FRMD4A: variants seen among roughly 807,000 people sequenced by gnomAD.
The protein encoded by FRMD4A is FERM domain containing 4A, also known as FERM domain-containing protein 4A.
In FRMD4A, 29 loss-of-function variants were observed where a neutral mutation model predicts 129.1. That is an observed-to-expected ratio of 0.22 (90% CI 0.17 to 0.31). The LOEUF is 0.31. Among genes scored for constraint, FRMD4A ranks in the 10% least tolerant of loss-of-function variants. The probability of loss-of-function intolerance (pLI) is 1.00; values close to 1 mark genes in which losing one functional copy is unlikely to be tolerated. For missense variants in FRMD4A, 1,272 were observed against 1,375.8 expected (o/e 0.92, Z 1.19); for synonymous variants, 634 against 571.6 (o/e 1.11, Z -1.56).
chr10:14,244,602 G>A lies in FRMD4A; in HGVS notation c.45+85456C>T, dbSNP rs77086246. On this transcript the variant is annotated intron_variant, in intron 2 of 24. Transcript: ENST00000357447. ...TAATTTGTTACCATGTTTTAGCCTA[G>A]CCTACTTTTACTACAAAACGAAATG... is the stretch of plus-strand genomic sequence containing the variant. 5.9e-5 allele frequency among the ~76,000 whole-genome samples: 9 copies of A among 152,294 alleles called. No homozygotes were observed. In the East Asian group the frequency reaches 1.5e-3, roughly 26 times the overall value.
chr10:14,074,543 T>C (rs756705780), intron 2 of FRMD4A: 2 of 152,216 alleles, frequency 1.3e-5, no homozygotes, highest in African/African-American at 2.4e-5. Flanking sequence ...GCAATGCCCA[T>C]GGGGATTCAT....
At chr10:14,325,538 C>A (rs1843238910) in intron 2 of FRMD4A, among the ~76,000 whole-genome samples, 1 of 152,216 alleles carries the variant, frequency 6.6e-6, no homozygotes, top group African/African-American at 2.4e-5. Flanking sequence ...ACTCTGACAA[C>A]CAGCGCCCCC....
chr10:13,842,679 G>A (rs181866789), intron 3 of FRMD4A, among the ~76,000 whole-genome samples: 12 of 152,168 alleles, frequency 7.9e-5, no homozygotes, highest in South Asian at 4.1e-4. Context: ...GTTGGTCAGC[G>A]GCAAAATGAG....
intron 3 of FRMD4A, among the ~76,000 whole-genome samples, chr10:13,811,883 G>A (rs938781458): frequency 5.9e-5 from 8 of 135,156 alleles, no homozygotes; most frequent in African/African-American, 2.2e-4. Context: ...ATTATCTGTT[G>A]GTTTTTTTTT....
chr10:14,207,686 C>CCACACACACACACACACA (rs56740311), intron 2 of FRMD4A, among the ~76,000 whole-genome samples: 1 of 145,842 alleles, frequency 6.9e-6, no homozygotes, highest in Non-Finnish European at 1.5e-5. Context: ...TCCTAGGTAA[C>CCACACACACACACACACA]CACACACACA....
chr10:14,241,968 G>C (rs1234310374), intron 2 of FRMD4A, among the ~76,000 whole-genome samples: 1 of 152,044 alleles, frequency 6.6e-6, no homozygotes, highest in African/African-American at 2.4e-5. Flanking sequence ...CTGTAACACT[G>C]AGCTCAGGAG....
chr10:13,890,910 C>A (rs2094687924), intron 2 of FRMD4A: 1 of 958,138 alleles, frequency 1.0e-6, no homozygotes, highest in Non-Finnish European at 1.2e-6. Flanking sequence ...AATGTACGAA[C>A]AGTTACTCTG....
At chr10:13,997,337 C>A (rs2095626196) in intron 2 of FRMD4A, among the ~76,000 whole-genome samples, 1 of 152,150 alleles carries the variant, frequency 6.6e-6, no homozygotes, top group Non-Finnish European at 1.5e-5. Flanking sequence ...CTACCATGGT[C>A]TCTAATTGCT....
intron 2 of FRMD4A, among the ~76,000 whole-genome samples, chr10:13,938,172 C>T (rs1025160971): frequency 1.3e-5 from 2 of 152,108 alleles, no homozygotes; most frequent in African/African-American, 4.8e-5. Context: ...ATTAAGCACT[C>T]TCAGTATTAG....
Position 14,027,766 on chromosome 10 carries a change from G to T in FRMD4A, c.46-168854C>A, listed in dbSNP as rs1833051593. Among the ~76,000 whole-genome samples the T allele has an allele frequency of 6.6e-5, 10 of 152,362 alleles. No individual in the cohort carries two copies. The South Asian group carries it at 2.1e-3, about 32-fold the overall frequency. On this transcript the variant is annotated intron_variant, in intron 2 of 24. Coordinates refer to ENST00000357447, the MANE Select transcript of FRMD4A (RefSeq NM_018027.5). ...TTACTCTAGCACTGGGGCTCTAGAA[G>T]AATGTATTCAGAACATCCTGTTCTT...
chr10:14,192,985 C>T (rs374175862), intron 2 of FRMD4A, among the ~76,000 whole-genome samples: 4 of 152,192 alleles, frequency 2.6e-5, no homozygotes, highest in African/African-American at 7.2e-5. Flanking sequence ...AGAGTAACAG[C>T]GTGTATTTGC....
chr10:13,902,934 T>C (rs763206328), intron 2 of FRMD4A, among the ~76,000 whole-genome samples: 10 of 152,118 alleles, frequency 6.6e-5, no homozygotes, highest in Non-Finnish European at 1.0e-4. Context: ...TAGCTTGGGT[T>C]AGGGTGTAAT....
chr10:13,703,154 T>A (rs1479371674), intron 13 of FRMD4A, among the ~76,000 whole-genome samples: 1 of 152,106 alleles, frequency 6.6e-6, no homozygotes, highest in East Asian at 1.9e-4. Flanking sequence ...TGAAAGGTGG[T>A]GCAAGGCTAG....
chr10:14,188,047 AC>A (rs1439987640), intron 2 of FRMD4A, among the ~76,000 whole-genome samples: 1 of 151,336 alleles, frequency 6.6e-6, no homozygotes, highest in Non-Finnish European at 1.5e-5. Context: ...TAAAACTCTA[AC>A]CTCCTTTCCC....
At chr10:14,319,388 T>C (rs886836523) in intron 2 of FRMD4A, among the ~76,000 whole-genome samples, 82 of 86,566 alleles carry the variant, frequency 9.5e-4, no homozygotes, top group African/African-American at 3.4e-3. Flanking sequence ...CACACACACA[T>C]GATAAATACA....
At chr10:13,725,628 G>T (rs1233725459) in intron 12 of FRMD4A, among the ~76,000 whole-genome samples, 1 of 152,166 alleles carries the variant, frequency 6.6e-6, no homozygotes, top group Non-Finnish European at 1.5e-5. Context: ...CAAGATACAG[G>T]CTGGTGCCCT....
intron 12 of FRMD4A, chr10:13,707,572 T>A (rs1356745183): frequency 1.0e-6 from 1 of 989,952 alleles, no homozygotes; most frequent in Non-Finnish European, 1.2e-6. Context: ...TGAACTGAGC[T>A]TCCTCCCCTC....
Position 13,837,956 on chromosome 10 carries a change from G to A in FRMD4A, c.111+20891C>T, listed in dbSNP as rs540003358. On this transcript the variant is annotated intron_variant, in intron 3 of 24. Transcript: ENST00000357447. ...CTGCCCAATGAAGACCTCTTAAGGG[G>A]ATGGAGGAAGAAAGCAGGCTTAGCT... Among the ~76,000 whole-genome samples the A allele has an allele frequency of 3.3e-5, 5 of 152,314 alleles. No homozygotes were observed. The South Asian group carries it at 1.0e-3, about 32-fold the overall frequency.
At chr10:13,908,054 A>C (rs2094900685) in intron 2 of FRMD4A, among the ~76,000 whole-genome samples, 1 of 150,664 alleles carries the variant, frequency 6.6e-6, no homozygotes, top group African/African-American at 2.4e-5. Context: ...AATCCCAGCT[A>C]CTCAGGAGGC....
Sources: allele counts gnomAD v4.1 joint callset (sites outside exome capture counted in the v4.1 genomes callset), GRCh38; gene constraint gnomAD v4.1.1; transcripts MANE v1.5; gene names NCBI Gene and HGNC (gene_info 2026-07-23, HGNC 2026-07-21).